Variants in CEP126 observed in about 807,000 individuals in gnomAD.
The protein encoded by CEP126 is centrosomal protein of 126 kDa.
A neutral mutation model predicts 107.8 loss-of-function variants in CEP126; 74 were observed. The observed-to-expected ratio is 0.69, with a 90% CI of 0.57 to 0.83. The LOEUF is 0.83. Ranked by LOEUF, CEP126 falls within the 40% of genes least tolerant of loss-of-function variation. The pLI is 0.00. For synonymous variants in CEP126, 449 were observed against 446.0 expected (o/e 1.01, Z -0.08); for missense variants, 1,237 against 1,281.9 (o/e 0.96, Z 0.53).
At chr11:101,979,113 CAA>C (rs953968662) in intron 7 of CEP126, among the ~76,000 whole-genome samples, 21 of 151,414 alleles carry the variant, frequency 1.4e-4, no homozygotes, top group African/African-American at 5.1e-4. Context: ...GCCTGGGCAA[CAA>C]GAGCAAGACT....
intron 2 of CEP126, among the ~76,000 whole-genome samples, chr11:101,927,509 C>T (rs1268955570): frequency 6.6e-6 from 1 of 152,052 alleles, no homozygotes; most frequent in Admixed American, 6.5e-5. Flanking sequence ...TAGAACAGTT[C>T]CATCACCACA....
chr11:101,948,664 A>G (rs1051787640), intron 4 of CEP126, among the ~76,000 whole-genome samples: 1 of 152,158 alleles, frequency 6.6e-6, no homozygotes, highest in Non-Finnish European at 1.5e-5. Flanking sequence ...GACATCCTGT[A>G]TCTTCCATTT....
intron 5 of CEP126, among the ~76,000 whole-genome samples, chr11:101,958,601 G>A (rs1016413843): frequency 6.6e-6 from 1 of 152,064 alleles, no homozygotes; most frequent in South Asian, 2.1e-4. Flanking sequence ...ATTATAAAAA[G>A]CAACCAGAAA....
intron 6 of CEP126, among the ~76,000 whole-genome samples, chr11:101,969,246 C>G (rs1052145713): frequency 6.6e-6 from 1 of 152,132 alleles, no homozygotes; most frequent in Admixed American, 6.6e-5. Flanking sequence ...GTCTTGGCCT[C>G]CCGAGCTCAA....
chr11:101,966,315 TTTG>T (rs574657122), intron 6 of CEP126, among the ~76,000 whole-genome samples: 36 of 152,212 alleles, frequency 2.4e-4, no homozygotes, highest in Admixed American at 5.2e-4. Context: ...AAGTGAACTC[TTTG>T]TTAATACTGG....
rs563389665 is a variant in CEP126 at position 101,948,028 on chromosome 11, T to C, written c.395-3T>C. 6 of 1,581,356 alleles carry C rather than the reference T, an allele frequency of 3.8e-6. No homozygotes were observed. The South Asian group carries it at 4.5e-5, about 12-fold the overall frequency. ...TACTGTTCGGTCTTTATTATCTCTT[T>C]AGTTTCCCGAAAACCAGTTCCTCCA... On this transcript the variant is annotated splice_polypyrimidine_tract_variant and splice_region_variant and intron_variant, in intron 3 of 10. Coordinates refer to ENST00000263468, the MANE Select transcript of CEP126 (RefSeq NM_020802.4).
Position 101,915,206 on chromosome 11 carries a change from C to G in CEP126, c.-79C>G, listed in dbSNP as rs926189454. 1.0e-5 allele frequency: 16 copies of G among 1,584,238 alleles called. No individual in the cohort carries two copies. Among genetic ancestry groups the G allele is most frequent in the East Asian group, 2.2e-5 (1 of 44,592 alleles). ...TGAGAGACGGAGTGTAGGGAGGGGC[C>G]GAGCAGGAGGAGGAGGAAGCCGGAG... On this transcript the variant is annotated 5_prime_UTR_variant, in exon 1 of 11. Transcript: ENST00000263468.
intron 3 of CEP126, among the ~76,000 whole-genome samples, chr11:101,947,210 AC>A (rs1454861261): frequency 6.6e-6 from 1 of 152,194 alleles, no homozygotes; most frequent in Non-Finnish European, 1.5e-5. Flanking sequence ...GTTTGGAAGT[AC>A]CCACGAAGAG....
chr11:101,991,383 T>TA, intron 9 of CEP126, among the ~76,000 whole-genome samples: 1 of 151,636 alleles, frequency 6.6e-6, no homozygotes, highest in Admixed American at 6.6e-5. Context: ...TTATGAGACA[T>TA]ACAAAAAGAA....
rs539672387 is a variant in CEP126 at position 101,989,915 on chromosome 11, G to A, written c.3245-2863G>A. On this transcript the variant is annotated intron_variant, in intron 9 of 10. Coordinates refer to ENST00000263468, the MANE Select transcript of CEP126 (RefSeq NM_020802.4). ...TCAGAGCTTGCAGTGAGCCGAGATC[G>A]CGCCACTGCACTCCAGCCTGGGCGA... 6.6e-5 allele frequency among the ~76,000 whole-genome samples: 10 copies of A among 152,110 alleles called. No homozygotes were observed. In the East Asian group the frequency reaches 1.7e-3, roughly 27 times the overall value.
At chr11:101,985,260 G>T (rs1338733979) in intron 8 of CEP126, among the ~76,000 whole-genome samples, 2 of 151,074 alleles carry the variant, frequency 1.3e-5, no homozygotes, top group Non-Finnish European at 3.0e-5. Context: ...ATGTGTATAA[G>T]GTATATATGA....
Position 101,961,923 on chromosome 11 carries a change from T to C in CEP126, c.888T>C (p.Phe296=). The C allele has an allele frequency of 6.2e-7, 1 of 1,612,388 alleles. No homozygotes were observed. Among genetic ancestry groups the C allele is most frequent in the Non-Finnish European group, 8.5e-7 (1 of 1,179,338 alleles). The change falls in exon 6 of 11, where the codon TTT becomes TTC. Residue 296 remains phenylalanine, a synonymous_variant. Transcript: ENST00000263468. ...ANMQSTNLSC[F]DEDKLAFSKT... ...TGCAATCAACTAATCTCAGCTGCTT[T>C]GATGAAGATAAACTGGCATTCTCTA...
chr11:101,996,339 C>T (rs1941441148), intron 10 of CEP126, among the ~76,000 whole-genome samples: 1 of 152,218 alleles, frequency 6.6e-6, no homozygotes, highest in Admixed American at 6.5e-5. Context: ...ACCAGTGCTT[C>T]AAACAGCCTG....
intron 4 of CEP126, chr11:101,957,004 C>T (rs771195866): frequency 2.7e-5 from 8 of 298,432 alleles, no homozygotes; most frequent in Admixed American, 1.0e-4. Flanking sequence ...TTGGGAAGGG[C>T]GACTGAAGGG....
intron 2 of CEP126, among the ~76,000 whole-genome samples, chr11:101,938,025 C>T (rs1393888158): frequency 6.6e-6 from 1 of 151,292 alleles, no homozygotes; most frequent in East Asian, 2.0e-4. Context: ...TGGTGGCGGA[C>T]GCCTGTAGTC....
intron 10 of CEP126, among the ~76,000 whole-genome samples, chr11:101,994,231 A>G (rs1317810217): frequency 6.6e-6 from 1 of 152,186 alleles, no homozygotes; most frequent in Non-Finnish European, 1.5e-5. Context: ...GTGAAACTCT[A>G]TCTCAAAAAG....
intron 4 of CEP126, among the ~76,000 whole-genome samples, chr11:101,953,164 G>A (rs1409246394): frequency 6.6e-6 from 1 of 152,092 alleles, no homozygotes; most frequent in Non-Finnish European, 1.5e-5. Context: ...CCATGGAAGA[G>A]ATATGTCCAG....
At chr11:101,956,205 C>T in intron 4 of CEP126, 2 of 456,396 alleles carry the variant, frequency 4.4e-6, no homozygotes, top group Non-Finnish European at 8.8e-6. Flanking sequence ...TTCCTTCCAG[C>T]ACAGCATTCT....
intron 2 of CEP126, among the ~76,000 whole-genome samples, chr11:101,934,648 A>G (rs1940549673): frequency 6.6e-6 from 1 of 152,108 alleles, no homozygotes; most frequent in Non-Finnish European, 1.5e-5. Flanking sequence ...AACCACTGTT[A>G]TAATTTCTAT....
Sources: allele counts gnomAD v4.1 joint callset (sites outside exome capture counted in the v4.1 genomes callset), GRCh38; gene constraint gnomAD v4.1.1; transcripts MANE v1.5; gene names NCBI Gene and HGNC (gene_info 2026-07-23, HGNC 2026-07-21).